The following NUP210 variants were observed in gnomAD, a reference collection of about 807,000 sequenced individuals.
NUP210 encodes nucleoporin 210, also known as nuclear pore membrane glycoprotein 210.
A neutral mutation model predicts 196.0 loss-of-function variants in NUP210; 151 were observed. That is an observed-to-expected ratio of 0.77 (90% confidence interval 0.67 to 0.88). The LOEUF (loss-of-function observed/expected upper bound fraction) is 0.88. Ranked by LOEUF, NUP210 falls within the 40% of genes least tolerant of loss-of-function variation. The probability of loss-of-function intolerance (pLI) is 0.00; values close to 1 mark genes in which losing one functional copy is unlikely to be tolerated. For missense variants in NUP210, 2,314 were observed against 2,493.7 expected, an observed-to-expected ratio of 0.93 and a Z score of 1.53; for synonymous variants, 1,070 against 1,052.7, an observed-to-expected ratio of 1.02 and a Z score of -0.32.
In NUP210 at chr3:13,360,504, G is replaced by A; in HGVS notation, c.1933-13C>T. 1 of 1,593,496 alleles carries A rather than the reference G, an allele frequency of 6.3e-7. No homozygotes were observed. The highest frequency in any genetic ancestry group is 8.6e-7 in the Non-Finnish European group (1 of 1,168,672). On this transcript the variant is annotated splice_polypyrimidine_tract_variant and intron_variant, in intron 14 of 39. Transcript: ENST00000254508. ...AGGGATCCACAGCCTGGGGACAGAA[G>A]AGGCAGAAGACTTGGCATTCTTCTA...
chr3:13,353,456 G>A, intron 18 of NUP210, 98 bp downstream of exon 18: 1 of 1,009,634 alleles, frequency 9.9e-7, no homozygotes, highest in Non-Finnish European at 1.6e-6. Context: ...CAAGCAGACA[G>A]TGACTCAGGA....
At chr3:13,375,966 G>A (rs756134297) in intron 10 of NUP210, among the ~76,000 whole-genome samples, 3 of 152,206 alleles carry the variant, frequency 2.0e-5, no homozygotes, top group Admixed American at 6.5e-5. Flanking sequence ...TGAGGAGGCC[G>A]ACTCTGGCAG....
chr3:13,366,845 C>T (rs1698556294), intron 13 of NUP210, among the ~76,000 whole-genome samples: 1 of 151,680 alleles, frequency 6.6e-6, no homozygotes, highest in African/African-American at 2.4e-5. Context: ...TTTAATTCAG[C>T]CAGGCACGGT....
chr3:13,395,821 G>C (rs1035511619), intron 3 of NUP210, among the ~76,000 whole-genome samples: 9 of 152,182 alleles, frequency 5.9e-5, no homozygotes, highest in African/African-American at 2.2e-4. Context: ...GGATAACTCT[G>C]TGTTTAACTG....
intron 35 of NUP210, 56 bp downstream of exon 35, chr3:13,322,137 C>T (rs993722645): frequency 6.3e-7 from 1 of 1,597,740 alleles, no homozygotes; most frequent in Non-Finnish European, 8.6e-7. Context: ...CCGCAAGATG[C>T]CCAGAAGACA....
At position 13,360,401 on chromosome 3, in the gene NUP210, G is replaced by T; in HGVS notation, c.2023C>A (p.Pro675Thr). The T allele has an allele frequency of 6.2e-7, 1 of 1,614,110 alleles. No individual in the cohort carries two copies. The highest frequency in any genetic ancestry group is 8.5e-7 in the Non-Finnish European group (1 of 1,180,012). ...EGGPRPWILEPSKFFQNVTAE... is the reference protein window; with the variant it reads ...EGGPRPWILETSKFFQNVTAE... Reference sequence around the variant, plus strand: ...GTGACGTTCTGGAAGAATTTGGACGGCTCGAGGATCCAAGGTCTGGGACCT... The same window carrying T: ...GTGACGTTCTGGAAGAATTTGGACGTCTCGAGGATCCAAGGTCTGGGACCT... Residue 675 changes from proline (P) to threonine (T), a missense_variant, in exon 15 of 40, where the codon CCG becomes ACG. Physicochemically the swap from Pro to Thr is conservative, Grantham distance 38. Transcript: ENST00000254508.
At chr3:13,394,524 C>T (rs896661437) in intron 3 of NUP210, among the ~76,000 whole-genome samples, 44 of 152,326 alleles carry the variant, frequency 2.9e-4, no homozygotes, top group African/African-American at 9.6e-4. Context: ...GTGCATCCAG[C>T]GGGAAACAGC....
chr3:13,390,643 A>C (rs1250845184), intron 4 of NUP210, among the ~76,000 whole-genome samples: 1 of 152,160 alleles, frequency 6.6e-6, no homozygotes. Context: ...GTCCTCCCGG[A>C]GCTCAGACAA....
chr3:13,369,638 G>A (rs947288578), intron 13 of NUP210, among the ~76,000 whole-genome samples: 6 of 152,198 alleles, frequency 3.9e-5, no homozygotes, highest in Admixed American at 6.5e-5. Flanking sequence ...ATGTCGATAC[G>A]TGGTTGTCCC....
At chr3:13,332,504 C>T in intron 28 of NUP210, 120 bp from the exon 29 acceptor site, 1 of 751,106 alleles carries the variant, frequency 1.3e-6, no homozygotes, top group Non-Finnish European at 2.3e-6. Context: ...AAGCGGCTTT[C>T]TCGTCTGTCA....
chr3:13,326,539 TA>T (rs35191592), intron 32 of NUP210, among the ~76,000 whole-genome samples: 35 of 151,058 alleles, frequency 2.3e-4, no homozygotes, highest in Admixed American at 4.6e-4. Context: ...TTAGTAAGGT[TA>T]AAAAAAAAGG....
At position 13,373,804 on chromosome 3, in the gene NUP210, C is replaced by A; in HGVS notation, c.1501G>T (p.Gly501Cys). 1 of 1,614,114 alleles carries A rather than the reference C, an allele frequency of 6.2e-7. No individual in the cohort carries two copies. The highest frequency in any genetic ancestry group is 8.5e-7 in the Non-Finnish European group (1 of 1,179,990). The change falls in exon 12 of 40, where the codon GGC becomes TGC. Residue 501 changes from glycine to cysteine, a missense_variant. Gly to Cys is a radical substitution (Grantham distance 159). Coordinates refer to ENST00000254508, the MANE Select transcript of NUP210 (RefSeq NM_024923.4). ...SHLVATVTVK[G>C]VMTTGSDIGF... ...ATGTCACTGCCTGTGGTCATCACGC[C>A]CTTGACAGTAACTGTGGCAACCAGG...
chr3:13,327,258 CCCA>C lies in NUP210; in HGVS notation c.4463_4465del (p.Val1488del), dbSNP rs1696796755. On this transcript the variant is annotated inframe_deletion, in exon 32 of 40. Coordinates refer to ENST00000254508, the MANE Select transcript of NUP210 (RefSeq NM_024923.4). ...AACAGTGGCCAGACAGAGCACGTCC[CCCA>C]CCACCATGGCCCCAGACAGCTCTGG... 1 of 1,613,438 alleles carries C rather than the reference CCCA, an allele frequency of 6.2e-7. No homozygotes were observed. Among genetic ancestry groups the C allele is most frequent in the Middle Eastern group, 1.6e-4 (1 of 6,062 alleles).
At chr3:13,343,076 G>T in intron 21 of NUP210, 99 bp downstream of exon 21, 1 of 1,443,106 alleles carries the variant, frequency 6.9e-7, no homozygotes, top group Non-Finnish European at 9.6e-7. Flanking sequence ...GACCACAGGA[G>T]CAAAAGCAAA....
intron 2 of NUP210, among the ~76,000 whole-genome samples, chr3:13,398,194 C>G (rs1281541921): frequency 2.0e-5 from 3 of 152,214 alleles, no homozygotes; most frequent in African/African-American, 7.2e-5. Flanking sequence ...AATCCCAGCA[C>G]TTTGGGAAGC....
Position 13,420,041 on chromosome 3 carries a change from GC to G in NUP210, c.167+18del. ...CAGCCCGGCCCACGGCGCCCGCCCG[GC>G]CCGGCCGCGCGCCTCACCAGCGGTA... is the stretch of plus-strand genomic sequence containing the variant. On this transcript the variant is annotated intron_variant, in intron 1 of 39. Coordinates refer to ENST00000254508, the MANE Select transcript of NUP210 (RefSeq NM_024923.4). The surrounding 1 kb of genome is among the most constrained non-coding windows in gnomAD (Gnocchi z 4.8). 1 of 1,235,542 alleles carries G rather than the reference GC, an allele frequency of 8.1e-7. No homozygotes were observed. The highest frequency in any genetic ancestry group is 1.0e-6 in the Non-Finnish European group (1 of 974,586). The allele number at this position is 1,235,542 out of a possible 1,614,324, so 76.5% of individuals were successfully genotyped here.
intron 12 of NUP210, 135 bp downstream of exon 12, chr3:13,373,583 G>T: frequency 1.2e-6 from 1 of 800,578 alleles, no homozygotes; most frequent in Non-Finnish European, 2.0e-6. Flanking sequence ...CTAAGGGAAG[G>T]GCTGGGGCTT....
At chr3:13,334,986 G>C (rs1383972161) in intron 28 of NUP210, among the ~76,000 whole-genome samples, 3 of 152,258 alleles carry the variant, frequency 2.0e-5, no homozygotes, top group African/African-American at 7.2e-5. Flanking sequence ...GCATCAGCAG[G>C]TGGCAGCCCC....
chr3:13,347,924 G>A lies in NUP210; in HGVS notation c.2835+3955C>T, dbSNP rs1277627065. Reference sequence around the variant, plus strand: ...TGGCACAAGCCTGAAATGAAGGGAGGTGAAGACCCCAGTGGGCAGGGCGCC... The same window carrying A: ...TGGCACAAGCCTGAAATGAAGGGAGATGAAGACCCCAGTGGGCAGGGCGCC... On this transcript the variant is annotated intron_variant, in intron 20 of 39. Coordinates refer to ENST00000254508, the MANE Select transcript of NUP210 (RefSeq NM_024923.4). The surrounding 1 kb of genome is among the most constrained non-coding windows in gnomAD (Gnocchi z 4.7). Among the ~76,000 whole-genome samples, 3 of 152,242 alleles carry A rather than the reference G, an allele frequency of 2.0e-5. No individual in the cohort carries two copies. Among genetic ancestry groups the A allele is most frequent in the Non-Finnish European group, 4.4e-5 (3 of 68,044 alleles).
Sources: gnomAD v4.1 joint callset for allele counts (sites outside exome capture counted in the v4.1 genomes callset) on GRCh38, gnomAD v4.1.1 for gene constraint, Gnocchi (gnomAD v3.1) non-coding constraint, MANE v1.5 for transcripts, NCBI Gene and HGNC (gene_info 2026-07-23, HGNC 2026-07-21) for gene names.